USP7: variants seen among roughly 807,000 people sequenced by gnomAD.
The protein encoded by USP7 is ubiquitin C-terminal hydrolase 7.
In USP7, 9 loss-of-function variants were observed where a neutral mutation model predicts 162.9. The ratio of observed to expected loss-of-function variants is 0.06; its 90% confidence interval spans 0.03 to 0.10. The LOEUF (loss-of-function observed/expected upper bound fraction) is 0.10, where lower values mean the gene tolerates loss of function less well. USP7 is among the 10% of genes least tolerant of loss of function. The pLI, the probability that USP7 is intolerant of heterozygous loss-of-function variation, is 1.00. For missense variants in USP7, 715 were observed against 1,373.7 expected (o/e 0.52, Z 7.58); for synonymous variants, 562 against 475.9 (o/e 1.18, Z -2.35).
chr16:8,919,891 G>T (rs1374362831), intron 5 of USP7, among the ~76,000 whole-genome samples: 1 of 152,104 alleles, frequency 6.6e-6, no homozygotes, highest in Non-Finnish European at 1.5e-5. Flanking sequence ...CCCAGCCTTG[G>T]AAACACTCAA....
At position 8,901,220 on chromosome 16, in the gene USP7, A is replaced by G; in HGVS notation, c.2062T>C (p.Phe688Leu). ...KFDKDHDVML[F>L]LKMYDPKTRS... ...GTTTTGGGATCATACATCTTCAAAA[A>G]TAACATTACATCATCTACAAGGTTA... is the stretch of plus-strand genomic sequence containing the variant. Residue 688 changes from phenylalanine to leucine, a missense_variant, in exon 19 of 31, where the codon TTT becomes CTT. This residue lies in a region of USP7 where 197 missense variants were observed against 306.5 expected (regional missense o/e 0.64). Coordinates refer to ENST00000344836, the MANE Select transcript of USP7 (RefSeq NM_003470.3). 6.2e-7 allele frequency: 1 copy of G among 1,612,348 alleles called. No homozygotes were observed. The highest frequency in any genetic ancestry group is 8.5e-7 in the Non-Finnish European group (1 of 1,178,364).
intron 1 of USP7, among the ~76,000 whole-genome samples, chr16:8,947,043 T>C (rs1031832830): frequency 6.6e-6 from 1 of 152,322 alleles, no homozygotes; most frequent in East Asian, 1.9e-4. Context: ...GCTGTAGTTA[T>C]CAGAGAATAG....
At chr16:8,952,294 T>C (rs1199296396) in intron 1 of USP7, among the ~76,000 whole-genome samples, 4 of 152,164 alleles carry the variant, frequency 2.6e-5, no homozygotes, top group Non-Finnish European at 5.9e-5. Flanking sequence ...TTATGACCAA[T>C]AGCACTTACT....
At chr16:8,926,156 A>G (rs1250108871) in intron 2 of USP7, among the ~76,000 whole-genome samples, 2 of 142,784 alleles carry the variant, frequency 1.4e-5, no homozygotes, top group African/African-American at 5.4e-5. Context: ...TCCGTCTCAA[A>G]AAAAAAAAAA....
At chr16:8,921,819 G>A (rs1192008510) in intron 3 of USP7, among the ~76,000 whole-genome samples, 1 of 152,186 alleles carries the variant, frequency 6.6e-6, no homozygotes, top group African/African-American at 2.4e-5. Flanking sequence ...GAAGTGTGGG[G>A]TGGACCACAA....
intron 1 of USP7, among the ~76,000 whole-genome samples, chr16:8,940,656 C>A (rs754599493): frequency 6.6e-6 from 1 of 152,108 alleles, no homozygotes; most frequent in Admixed American, 6.5e-5. Flanking sequence ...TACCACACTC[C>A]CTAAGAAGCT....
At chr16:8,906,646 G>GT in intron 12 of USP7, 64 bp from the exon 13 acceptor site, 5 of 1,509,304 alleles carry the variant, frequency 3.3e-6, no homozygotes, top group Non-Finnish European at 4.5e-6. Flanking sequence ...ACACTTTACA[G>GT]TAAGTAAGGC....
intron 2 of USP7, among the ~76,000 whole-genome samples, chr16:8,929,916 G>C (rs899049247): frequency 5.9e-5 from 9 of 152,306 alleles, no homozygotes; most frequent in African/African-American, 1.9e-4. Context: ...CCTGCAATGA[G>C]AATGCAATGG....
At chr16:8,905,161 A>G (rs199832315) in intron 14 of USP7, 26 bp downstream of exon 14, 2 of 1,607,642 alleles carry the variant, frequency 1.2e-6, no homozygotes, top group African/African-American at 1.3e-5. Flanking sequence ...ACAGTAAAGA[A>G]CAGAACAAAA....
intron 8 of USP7, among the ~76,000 whole-genome samples, chr16:8,915,827 T>C (rs1159899870): frequency 6.6e-6 from 1 of 152,206 alleles, no homozygotes; most frequent in East Asian, 1.9e-4. Flanking sequence ...TGTAAAATTG[T>C]TCACTAAACT....
intron 25 of USP7, chr16:8,897,316 T>TTAAC: frequency 2.0e-6 from 1 of 511,356 alleles, no homozygotes; most frequent in East Asian, 3.3e-5. Context: ...TGACGGGAGG[T>TTAAC]TAACAAAAGT....
intron 11 of USP7, among the ~76,000 whole-genome samples, chr16:8,909,878 A>G (rs1685586955): frequency 6.6e-6 from 1 of 152,270 alleles, no homozygotes; most frequent in Non-Finnish European, 1.5e-5. Flanking sequence ...GTGAGTCGAG[A>G]TCGCGCCACT....
chr16:8,936,217 A>G (rs529497980), intron 1 of USP7, among the ~76,000 whole-genome samples: 6 of 152,082 alleles, frequency 3.9e-5, no homozygotes, highest in Non-Finnish European at 5.9e-5. Flanking sequence ...CCTAGTGATC[A>G]AAACTACAGC....
At chr16:8,941,863 CCTCCTGGT>C (rs1445204424) in intron 1 of USP7, among the ~76,000 whole-genome samples, 21 of 152,344 alleles carry the variant, frequency 1.4e-4, no homozygotes, top group Admixed American at 5.9e-4. Flanking sequence ...GGTGGACACG[CCTCCTGGT>C]CTCCTGGTGC....
chr16:8,902,216 AAG>A (rs1266035994), intron 17 of USP7, 29 bp from the exon 18 acceptor site: 3 of 1,610,184 alleles, frequency 1.9e-6, no homozygotes, highest in Admixed American at 3.3e-5. Context: ...CTGATTTTAG[AAG>A]AGTCTAATGG....
intron 1 of USP7, among the ~76,000 whole-genome samples, chr16:8,930,820 T>C (rs1898284427): frequency 6.6e-6 from 1 of 151,992 alleles, no homozygotes; most frequent in African/African-American, 2.4e-5. Flanking sequence ...AATGCAAAAA[T>C]TAGCTGGGTG....
chr16:8,953,625 C>T (rs1223698946), intron 1 of USP7, among the ~76,000 whole-genome samples: 1 of 35,172 alleles, frequency 2.8e-5, no homozygotes. Flanking sequence ...ACACGTGCCC[C>T]GTGCGGCGCC....
At chr16:8,915,885 A>T (rs1897342982) in intron 8 of USP7, among the ~76,000 whole-genome samples, 7 of 152,254 alleles carry the variant, frequency 4.6e-5, no homozygotes, top group Admixed American at 4.6e-4. Context: ...TGAGCCTGTC[A>T]ACAGGATTGA....
intron 1 of USP7, chr16:8,936,448 T>G: frequency 1.1e-6 from 1 of 877,434 alleles, no homozygotes; most frequent in Non-Finnish European, 1.6e-6. Flanking sequence ...GCAGTGATCT[T>G]TATATAAATT....
Sources: gnomAD v4.1 joint callset for allele counts (sites outside exome capture counted in the v4.1 genomes callset) on GRCh38, gnomAD v4.1.1 for gene constraint, gnomAD v4.1.1 regional missense constraint, MANE v1.5 for transcripts, NCBI Gene and HGNC (gene_info 2026-07-23, HGNC 2026-07-21) for gene names.